The following REPS2 variants were observed in gnomAD, a reference collection of about 807,000 sequenced individuals.
REPS2 encodes ralBP1-associated Eps domain-containing protein 2.
A neutral mutation model predicts 53.6 loss-of-function variants in REPS2; 23 were observed. The ratio of observed to expected loss-of-function variants is 0.43; its 90% confidence interval spans 0.31 to 0.61. The LOEUF is 0.61. REPS2 is among the 20% of genes least tolerant of loss of function. The probability of loss-of-function intolerance (pLI) is 0.11; values close to 1 mark genes in which losing one functional copy is unlikely to be tolerated. For synonymous variants in REPS2, 238 were observed against 218.6 expected, an observed-to-expected ratio of 1.09 and a Z score of -0.78; for missense variants, 446 against 534.9, an observed-to-expected ratio of 0.83 and a Z score of 1.64.
At chrX:16,992,339 C>T (rs564140283) in intron 1 of REPS2, among the ~76,000 whole-genome samples, 14 of 111,568 alleles carry the variant, frequency 1.3e-4, no homozygotes, top group African/African-American at 4.6e-4. Flanking sequence ...TCCCAGCCTC[C>T]AGAATGGAAA....
intron 14 of REPS2, among the ~76,000 whole-genome samples, chrX:17,108,988 C>A (rs899246308): frequency 2.8e-5 from 3 of 105,760 alleles, no homozygotes; most frequent in Non-Finnish European, 5.8e-5. Flanking sequence ...AAAAAAAACC[C>A]AAATGCAGAG....
At chrX:17,156,551 A>T (rs1415921995), downstream of REPS2, among the ~76,000 whole-genome samples, 7 of 111,057 alleles carry the variant, frequency 6.3e-5, no homozygotes. Flanking sequence ...GTGATGATAA[A>T]AGCCAACTAA....
At chrX:16,964,319 CAT>C (rs1163872539) in intron 1 of REPS2, among the ~76,000 whole-genome samples, 35 of 109,755 alleles carry the variant, frequency 3.2e-4, no homozygotes, top group Non-Finnish European at 1.3e-4. Context: ...GGATACAGCA[CAT>C]GTTTCAGAGA....
chrX:17,018,626 T>C (rs2061531896), intron 2 of REPS2, among the ~76,000 whole-genome samples: 1 of 103,957 alleles, frequency 9.6e-6, no homozygotes, highest in African/African-American at 3.5e-5. Flanking sequence ...TTAATGTGGC[T>C]CACATTCTTT....
chrX:17,142,174 AT>A (rs1183631972), intron 17 of REPS2, among the ~76,000 whole-genome samples: 1 of 112,108 alleles, frequency 8.9e-6, no homozygotes, highest in Non-Finnish European at 1.9e-5. Context: ...ATTTAAAAAA[AT>A]AACCTTGATC....
intron 14 of REPS2, among the ~76,000 whole-genome samples, chrX:17,109,189 G>A (rs1245294539): frequency 9.0e-6 from 1 of 110,859 alleles, no homozygotes; most frequent in African/African-American, 3.3e-5. Flanking sequence ...TGTCTGGGGA[G>A]CAGAAACTGA....
In REPS2 at chrX:17,022,104, C is replaced by G. The variant is rs147394209; in HGVS notation, c.398-19C>G. ...TAAATTAAGTCTGACTAGAGCTTCTCTGATTTCTGGTCCCAAAGAATTGCC... is the reference window on the plus strand; with the variant it reads ...TAAATTAAGTCTGACTAGAGCTTCTGTGATTTCTGGTCCCAAAGAATTGCC... On this transcript the variant is annotated intron_variant, in intron 2 of 17. Transcript: ENST00000357277. The G allele has an allele frequency of 1.8e-3, 2,089 of 1,190,459 alleles. 30 individuals carry two copies. In the African/African-American group the frequency reaches 0.032, roughly 18 times the overall value.
At chrX:17,122,926 A>C (rs759086685) in intron 14 of REPS2, among the ~76,000 whole-genome samples, 1 of 112,517 alleles carries the variant, frequency 8.9e-6, no homozygotes, top group East Asian at 2.8e-4. Flanking sequence ...CAGAGCAAAG[A>C]AACCAGGAAA....
chrX:17,149,823 C>G lies in REPS2; in HGVS notation c.*2342C>G, dbSNP rs1271614624. The G allele has an allele frequency of 8.9e-6, 1 of 111,894 alleles. No individual in the cohort carries two copies. Among genetic ancestry groups the G allele is most frequent in the African/African-American group, 3.3e-5 (1 of 30,769 alleles). The allele number at this position is 111,894 out of a possible 1,213,427, so 9.2% of individuals were successfully genotyped here. ...ATTGACATGCTTTTCCCCTCCCCTC[C>G]ATGAAGTCAGTGCCAGAGTGAGCCA... On this transcript the variant is annotated 3_prime_UTR_variant, in exon 18 of 18. Coordinates refer to ENST00000357277, the MANE Select transcript of REPS2 (RefSeq NM_004726.3).
chrX:17,012,453 A>G lies in REPS2; in HGVS notation c.397+6109A>G, dbSNP rs976805689. 2.7e-5 allele frequency among the ~76,000 whole-genome samples: 3 copies of G among 112,131 alleles called. No individual in the cohort carries two copies. In the Admixed American group the frequency reaches 2.8e-4, roughly 11 times the overall value. On this transcript the variant is annotated intron_variant, in intron 2 of 17. Transcript: ENST00000357277. Reference sequence around the variant, plus strand: ...TGTGATAGGTGACAAAGTTACCGGTATTGCTAGTGATAATACAGTGGCTTG... The same window carrying G: ...TGTGATAGGTGACAAAGTTACCGGTGTTGCTAGTGATAATACAGTGGCTTG...
intron 1 of REPS2, among the ~76,000 whole-genome samples, chrX:16,988,489 C>T (rs1032794983): frequency 8.9e-6 from 1 of 111,875 alleles, no homozygotes; most frequent in Non-Finnish European, 1.9e-5. Context: ...AAATACAATA[C>T]CATTTACATT....
intron 14 of REPS2, among the ~76,000 whole-genome samples, chrX:17,132,350 T>C (rs2063303461): frequency 1.8e-5 from 2 of 111,621 alleles, no homozygotes; most frequent in South Asian, 7.6e-4. Context: ...AAGTGTATAC[T>C]GAAGGCAGAG....
At chrX:17,133,105 C>T (rs1490023740) in intron 14 of REPS2, among the ~76,000 whole-genome samples, 2 of 112,117 alleles carry the variant, frequency 1.8e-5, no homozygotes, top group Non-Finnish European at 1.9e-5. Flanking sequence ...AGTTATTCCC[C>T]TCCTTGCCAG....
At chrX:17,065,058 T>A (rs1335950274) in intron 9 of REPS2, among the ~76,000 whole-genome samples, 1 of 112,462 alleles carries the variant, frequency 8.9e-6, no homozygotes, top group South Asian at 3.6e-4. Flanking sequence ...GCTTCCACTT[T>A]TGGCTATTGT....
At chrX:17,157,294 C>T (rs1025143398), downstream of REPS2, among the ~76,000 whole-genome samples, 1 of 111,730 alleles carries the variant, frequency 9.0e-6, no homozygotes, top group African/African-American at 3.3e-5. Flanking sequence ...GCATAGTCTA[C>T]TCTCTCTCAA....
At chrX:17,161,863 G>A in the REPS2 span, among the ~76,000 whole-genome samples, 1 of 111,768 alleles carries the variant, frequency 8.9e-6, no homozygotes, top group South Asian at 3.7e-4. Flanking sequence ...AAGATAAAAG[G>A]CCCTTTCTGA....
At chrX:16,981,781 G>A (rs1370231951) in intron 1 of REPS2, among the ~76,000 whole-genome samples, 3 of 111,932 alleles carry the variant, frequency 2.7e-5, no homozygotes, top group Non-Finnish European at 3.8e-5. Flanking sequence ...TTTCTATTCC[G>A]GTAACATTTT....
At position 17,103,702 on chromosome X, in the gene REPS2, G is replaced by T. The variant is rs368437035; in HGVS notation, c.1517-16G>T. On this transcript the variant is annotated splice_polypyrimidine_tract_variant and intron_variant, in intron 13 of 17. Coordinates refer to ENST00000357277, the MANE Select transcript of REPS2 (RefSeq NM_004726.3). The stretch of plus-strand genomic sequence containing the variant: ...TTTGGGGGGTGATCCTTAATAGTAT[G>T]TGTTTTTCTTTTCAGCTACCAAGTC... 2 of 1,204,583 alleles carry T rather than the reference G, an allele frequency of 1.7e-6. No individual in the cohort carries two copies. The highest frequency in any genetic ancestry group is 2.2e-6 in the Non-Finnish European group (2 of 890,638).
At chrX:17,136,767 A>G (rs1344264643) in intron 16 of REPS2, 1 of 111,947 alleles carries the variant, frequency 8.9e-6, no homozygotes, top group African/African-American at 3.2e-5. Flanking sequence ...AATAATATAT[A>G]TCCACGCCCA....
Sources: gnomAD v4.1 joint callset for allele counts (sites outside exome capture counted in the v4.1 genomes callset) on GRCh38, gnomAD v4.1.1 for gene constraint, MANE v1.5 for transcripts, NCBI Gene and HGNC (gene_info 2026-07-23, HGNC 2026-07-21) for gene names.